Variants in WWP2 observed in about 807,000 individuals in gnomAD.
The protein encoded by WWP2 is NEDD4-like E3 ubiquitin-protein ligase WWP2.
WWP2 carries 57 observed loss-of-function variants against 121.0 expected under a neutral mutation model. The ratio of observed to expected loss-of-function variants is 0.47; its 90% CI spans 0.38 to 0.59. The LOEUF is 0.59. Among genes scored for constraint, WWP2 ranks in the 20% least tolerant of loss-of-function variants. The pLI is 0.00. For missense variants in WWP2, 962 were observed against 1,158.9 expected (o/e 0.83, Z 2.47); for synonymous variants, 449 against 441.3 (o/e 1.02, Z -0.22).
rs557861887 is a variant in WWP2 at position 69,935,373 on chromosome 16, C to T, written c.1843-480C>T. On this transcript the variant is annotated intron_variant, in intron 17 of 23. Transcript: ENST00000359154. This position sits in a 1 kb window ranked among gnomAD's most constrained non-coding sequence, Gnocchi z 5.2. ...TGGCCCAGCAGCCAGCAGGACAGAC[C>T]GGTAAAACCCTAGACTATTACTCAC... 6.6e-6 allele frequency among the ~76,000 whole-genome samples: 1 copy of T among 152,338 alleles called. No individual in the cohort carries two copies. The highest frequency in any genetic ancestry group is 1.9e-4 in the East Asian group (1 of 5,178).
intron 7 of WWP2, among the ~76,000 whole-genome samples, chr16:69,882,676 C>A (rs1428386640): frequency 6.6e-6 from 1 of 151,920 alleles, no homozygotes. Flanking sequence ...GGAAGAAGGC[C>A]GATGTGGGCA....
intron 4 of WWP2, among the ~76,000 whole-genome samples, chr16:69,807,293 C>G (rs774921551): frequency 2.6e-5 from 4 of 152,054 alleles, no homozygotes; most frequent in Admixed American, 1.3e-4. Context: ...CCTCAGTCTC[C>G]CATACTGCCG....
intron 6 of WWP2, among the ~76,000 whole-genome samples, chr16:69,856,811 C>A (rs966163327): frequency 4.0e-5 from 6 of 151,860 alleles, no homozygotes; most frequent in Admixed American, 6.6e-5. Context: ...ACAACAACAA[C>A]AAAACCCGTT....
intron 6 of WWP2, among the ~76,000 whole-genome samples, chr16:69,850,609 G>A (rs902068998): frequency 1.1e-4 from 17 of 152,144 alleles, no homozygotes; most frequent in African/African-American, 3.9e-4. Flanking sequence ...TTGCCAGACC[G>A]ACGAAGTGGG....
rs1417406508 is a variant in WWP2 at position 69,790,353 on chromosome 16, TAAG to T, written c.70+3274_70+3276del. Among the ~76,000 whole-genome samples the T allele has an allele frequency of 6.6e-5, 10 of 152,224 alleles. No individual in the cohort carries two copies. In the South Asian group the frequency reaches 1.0e-3, roughly 16 times the overall value. ...ATAAAATAAGCTAGAGAAAAAATCA[TAAG>T]GAGGAAAAAAATTTTACTATTTATT... On this transcript the variant is annotated intron_variant, in intron 2 of 23. Transcript: ENST00000359154.
chr16:69,778,503 G>C (rs948634957), intron 1 of WWP2, among the ~76,000 whole-genome samples: 1 of 152,056 alleles, frequency 6.6e-6, no homozygotes, highest in Non-Finnish European at 1.5e-5. Flanking sequence ...TGAAGTCTGG[G>C]CCTCAGGTTT....
At position 69,888,168 on chromosome 16, in the gene WWP2, C is replaced by A; in HGVS notation, c.833C>A (p.Pro278Gln). 1 of 1,614,212 alleles carries A rather than the reference C, an allele frequency of 6.2e-7. No individual in the cohort carries two copies. The highest frequency in any genetic ancestry group is 8.5e-7 in the Non-Finnish European group (1 of 1,180,044). The change falls in exon 8 of 24, where the codon CCG becomes CAG. Residue 278 changes from proline (P) to glutamine (Q), a missense_variant. By Grantham distance (76) the Pro-to-Gln change is moderately conservative (BLOSUM62 -1). Transcript: ENST00000359154. Reference sequence around the variant, plus strand: ...ACTTCTCTCCCTGCCCCAGCCACACCGGCTGAAGGAGAGGAACCCAGCACT... The same window carrying A: ...ACTTCTCTCCCTGCCCCAGCCACACAGGCTGAAGGAGAGGAACCCAGCACT... The part of the protein sequence containing the change: ...NTTSLPAPAT[P>Q]AEGEEPSTSG...
intron 8 of WWP2, among the ~76,000 whole-genome samples, chr16:69,906,078 C>CT (rs111829274): frequency 0.013 from 1,916 of 145,522 alleles, 32 homozygotes; most frequent in African/African-American, 0.038. Context: ...TCTTTTCTTT[C>CT]TTTTTTTTTT....
intron 1 of WWP2, among the ~76,000 whole-genome samples, chr16:69,762,911 C>A (rs1005033155): frequency 6.6e-6 from 1 of 152,118 alleles, no homozygotes; most frequent in African/African-American, 2.4e-5. Flanking sequence ...TTTTAAACTT[C>A]AGGAGGGATC....
In WWP2 at chr16:69,915,713, G is replaced by A. The variant is rs540069527; in HGVS notation, c.1005-1996G>A. On this transcript the variant is annotated intron_variant, in intron 9 of 23. Coordinates refer to ENST00000359154, the MANE Select transcript of WWP2 (RefSeq NM_001270454.2). ...ATCGTTTTTCATTATATTCCCTGCA[G>A]TCCTGTTTATGTTTCAAAACTATAT... Among the ~76,000 whole-genome samples the A allele has an allele frequency of 9.2e-5, 14 of 152,184 alleles. No homozygotes were observed. In the East Asian group the frequency reaches 2.7e-3, roughly 29 times the overall value.
At chr16:69,900,275 C>G (rs575741549) in intron 8 of WWP2, among the ~76,000 whole-genome samples, 3 of 151,908 alleles carry the variant, frequency 2.0e-5, no homozygotes, top group Non-Finnish European at 4.4e-5. Context: ...TCCCATTGAT[C>G]GTTCTTGATA....
At chr16:69,767,132 C>G (rs901675984) in intron 1 of WWP2, among the ~76,000 whole-genome samples, 2 of 151,942 alleles carry the variant, frequency 1.3e-5, no homozygotes, top group African/African-American at 4.8e-5. Context: ...TTATAGCACC[C>G]CTGAAATCAA....
intron 1 of WWP2, among the ~76,000 whole-genome samples, chr16:69,785,619 C>T (rs1597662218): frequency 6.6e-6 from 1 of 151,702 alleles, no homozygotes; most frequent in Admixed American, 6.6e-5. Flanking sequence ...GCGAATGATG[C>T]TGCACATCTT....
chr16:69,797,418 T>C (rs1364590215), intron 2 of WWP2, among the ~76,000 whole-genome samples: 1 of 151,794 alleles, frequency 6.6e-6, no homozygotes, highest in Non-Finnish European at 1.5e-5. Context: ...CTATGTAGAG[T>C]GGGAGAGTGA....
At chr16:69,831,246 A>C (rs1319624891) in intron 4 of WWP2, among the ~76,000 whole-genome samples, 1 of 152,206 alleles carries the variant, frequency 6.6e-6, no homozygotes, top group Non-Finnish European at 1.5e-5. Context: ...ATTCTGAATT[A>C]GGAACCAAAA....
In WWP2 at chr16:69,883,402, A is replaced by G. The variant is rs202048729; in HGVS notation, c.704-4637A>G. 4.1e-3 allele frequency among the ~76,000 whole-genome samples: 452 copies of G among 111,544 alleles called. 1 individual carries two copies. Among genetic ancestry groups the G allele is most frequent in the Middle Eastern group, 0.011 (2 of 188 alleles). 73.2% of individuals were successfully genotyped at this position (111,544 alleles called of 152,430 possible). ...GCTTTCATGTTCTAAGAATGTGCGC[A>G]CACACACACACACACACACACACAC... On this transcript the variant is annotated intron_variant, in intron 7 of 23. Transcript: ENST00000359154.
chr16:69,765,862 A>C (rs2038716875), intron 1 of WWP2, among the ~76,000 whole-genome samples: 1 of 151,994 alleles, frequency 6.6e-6, no homozygotes, highest in Admixed American at 6.6e-5. Flanking sequence ...GGGGGTTCTC[A>C]CTTTTGCCCA....
intron 8 of WWP2, among the ~76,000 whole-genome samples, chr16:69,896,146 G>A (rs1413380560): frequency 6.6e-6 from 1 of 152,012 alleles, no homozygotes; most frequent in Non-Finnish European, 1.5e-5. Context: ...TTTGGAGACA[G>A]GGTCTCATTT....
At position 69,876,643 on chromosome 16, in the gene WWP2, C is replaced by T. The variant is rs370941924; in HGVS notation, c.703+4712C>T. ...CCTCCCAAAGTGCTGAGATTATAGGCGTGAGCCACTGTGCCCAGCCATAAA... is the reference window on the plus strand; with the variant it reads ...CCTCCCAAAGTGCTGAGATTATAGGTGTGAGCCACTGTGCCCAGCCATAAA... On this transcript the variant is annotated intron_variant, in intron 7 of 23. Coordinates refer to ENST00000359154, the MANE Select transcript of WWP2 (RefSeq NM_001270454.2). Among the ~76,000 whole-genome samples, 38 of 152,256 alleles carry T rather than the reference C, an allele frequency of 2.5e-4. No individual in the cohort carries two copies. In the East Asian group the frequency reaches 4.4e-3, roughly 18 times the overall value.
Sources: gnomAD v4.1 joint callset for allele counts (sites outside exome capture counted in the v4.1 genomes callset) on GRCh38, gnomAD v4.1.1 for gene constraint, Gnocchi (gnomAD v3.1) non-coding constraint, MANE v1.5 for transcripts, NCBI Gene and HGNC (gene_info 2026-07-23, HGNC 2026-07-21) for gene names.